Variants in FXYD4 observed in about 807,000 individuals in gnomAD.
FXYD4 encodes FXYD domain-containing ion transport regulator 4.
In FXYD4, 14 loss-of-function variants were observed where a neutral mutation model predicts 18.3. That is an observed-to-expected ratio of 0.77 (90% confidence interval 0.51 to 1.20). The LOEUF is 1.20. Ranked by LOEUF, FXYD4 falls within the 50% of genes most tolerant of loss-of-function variation. The pLI, the probability that FXYD4 is intolerant of heterozygous loss-of-function variation, is 0.00. For synonymous variants in FXYD4, 40 were observed against 40.5 expected (o/e 0.99, Z 0.04); for missense variants, 99 against 106.1 (o/e 0.93, Z 0.29).
At position 43,376,068 on chromosome 10, in the gene FXYD4, A is replaced by T. The variant is rs550150229; in HGVS notation, c.249A>T (p.Pro83=). Reference sequence around the variant, plus strand: ...AGAAGGCCATCCCACTCATCACTCCAGGTGAGACGGGCTTCTGTGGGCTGA... The same window carrying T: ...AGAAGGCCATCCCACTCATCACTCCTGGTGAGACGGGCTTCTGTGGGCTGA... ...VPEKAIPLIT[P]GSATTC is the part of the protein sequence containing the mutation. Residue 83 remains proline, a splice_region_variant and synonymous_variant, in exon 8 of 9, where the codon CCA becomes CCT. Transcript: ENST00000476166. 3.1e-6 allele frequency: 5 copies of T among 1,613,928 alleles called. No individual in the cohort carries two copies. Among genetic ancestry groups the T allele is most frequent in the Non-Finnish European group, 2.5e-6 (3 of 1,179,978 alleles).
intron 3 of FXYD4, 137 bp from the exon 4 acceptor site, chr10:43,374,333 G>C: frequency 1.2e-6 from 1 of 814,582 alleles, no homozygotes. Flanking sequence ...GGCTGTGTGG[G>C]GCTGGGGAGG....
Position 43,373,508 on chromosome 10 carries a change from C to A in FXYD4, c.-232-7C>A. On this transcript the variant is annotated splice_region_variant and splice_polypyrimidine_tract_variant and intron_variant, in intron 2 of 8. Transcript: ENST00000476166. ...TTGTGCTTACTCAATCCACACAACT[C>A]CCCCAGGCCACCACCATCTCTAGAT... The A allele has an allele frequency of 1.7e-6, 1 of 577,404 alleles. No individual in the cohort carries two copies. Among genetic ancestry groups the A allele is most frequent in the Non-Finnish European group, 3.1e-6 (1 of 321,874 alleles). 35.8% of individuals were successfully genotyped at this position (577,404 alleles called of 1,614,324 possible).
intron 2 of FXYD4, among the ~76,000 whole-genome samples, chr10:43,373,067 CAGGG>C (rs1837827496): frequency 6.6e-6 from 1 of 152,066 alleles, no homozygotes; most frequent in Non-Finnish European, 1.5e-5. Context: ...GGTCCCCTGC[CAGGG>C]CTGGCAGGGG....
intron 7 of FXYD4, 102 bp downstream of exon 7, chr10:43,375,836 C>T: frequency 7.5e-7 from 1 of 1,339,992 alleles, no homozygotes; most frequent in Non-Finnish European, 1.1e-6. Flanking sequence ...GCTGGGCTTG[C>T]AGCTGGCTTT....
At position 43,376,130 on chromosome 10, in the gene FXYD4, C is replaced by A. The variant is rs756306414; in HGVS notation, c.251-17C>A. The stretch of plus-strand genomic sequence containing the variant: ...TGTAAGGACTGTGTCTGATGGCCTG[C>A]CCGCCACTCTCCGCAGGCTCTGCCA... On this transcript the variant is annotated splice_polypyrimidine_tract_variant and intron_variant, in intron 8 of 8. Coordinates refer to ENST00000476166, the MANE Select transcript of FXYD4 (RefSeq NM_173160.3). 1.9e-6 allele frequency: 3 copies of A among 1,613,930 alleles called. No homozygotes were observed. The highest frequency in any genetic ancestry group is 2.5e-6 in the Non-Finnish European group (3 of 1,179,962).
chr10:43,373,855 A>T (rs1160824534), intron 3 of FXYD4, 72 bp downstream of exon 3: 17 of 999,864 alleles, frequency 1.7e-5, no homozygotes, highest in Non-Finnish European at 2.3e-5. Context: ...GCCAGACAAC[A>T]TCTCCTTTGG....
At chr10:43,375,814 TC>T (rs1421922742) in intron 7 of FXYD4, 80 bp downstream of exon 7, 4 of 1,439,292 alleles carry the variant, frequency 2.8e-6, no homozygotes, top group Non-Finnish European at 3.9e-6. Context: ...GTGGACAGCA[TC>T]CTGGCCACTC....
intron 2 of FXYD4, 85 bp from the exon 3 acceptor site, chr10:43,373,430 A>G: frequency 2.6e-6 from 1 of 389,580 alleles, no homozygotes; most frequent in Non-Finnish European, 4.7e-6. Flanking sequence ...ATGGATTTTA[A>G]CAACGCCTTC....
chr10:43,374,942 C>T (rs1837850678), intron 5 of FXYD4, among the ~76,000 whole-genome samples: 1 of 151,994 alleles, frequency 6.6e-6, no homozygotes, highest in Non-Finnish European at 1.5e-5. Context: ...TCCTCCTCTC[C>T]TCCTCTCCCC....
At chr10:43,375,195 T>G (rs1837855139) in intron 5 of FXYD4, among the ~76,000 whole-genome samples, 1 of 151,664 alleles carries the variant, frequency 6.6e-6, no homozygotes. Flanking sequence ...CCTAGCTAAT[T>G]TTTGTATTTT....
Position 43,373,664 on chromosome 10 carries a change from C to CTGTGA in FXYD4, c.-82_-78dup. 1.2e-6 allele frequency: 1 copy of CTGTGA among 833,486 alleles called. No homozygotes were observed. Among genetic ancestry groups the CTGTGA allele is most frequent in the South Asian group, 1.3e-5 (1 of 75,714 alleles). The allele number at this position is 833,486 out of a possible 1,614,324, so 51.6% of individuals were successfully genotyped here. ...TGCCTCCTCTCGCTGACCAATTGAG[C>CTGTGA]TGTGAGCCTGGAGCAGATCCGTGGG... On this transcript the variant is annotated 5_prime_UTR_variant, in exon 3 of 9. In the 5' UTR this introduces an upstream ATG that the reference lacks. Transcript: ENST00000476166.
chr10:43,372,663 T>G (rs1036573673), intron 1 of FXYD4, 64 bp from the exon 2 acceptor site: 4 of 152,228 alleles, frequency 2.6e-5, no homozygotes, highest in African/African-American at 9.7e-5. Context: ...AAATAGTAGT[T>G]CACGTAATTC....
chr10:43,372,430 G>T (rs528685012), intron 1 of FXYD4, among the ~76,000 whole-genome samples: 2 of 152,066 alleles, frequency 1.3e-5, no homozygotes, highest in Non-Finnish European at 2.9e-5. Flanking sequence ...GAATACAGGC[G>T]CCTGTCACCA....
intron 7 of FXYD4, 69 bp downstream of exon 7, chr10:43,375,803 A>G: frequency 4.7e-6 from 7 of 1,503,496 alleles, no homozygotes; most frequent in Non-Finnish European, 6.5e-6. Context: ...TGACCTGGAG[A>G]GTGGACAGCA....
At chr10:43,375,404 G>C in intron 5 of FXYD4, 95 bp from the exon 6 acceptor site, 5 of 884,654 alleles carry the variant, frequency 5.7e-6, no homozygotes, top group Non-Finnish European at 9.5e-6. Context: ...TATGTATATG[G>C]CAGCGGCTGG....
Position 43,374,595 on chromosome 10 carries a change from T to C in FXYD4, c.71-18T>C, listed in dbSNP as rs1837845638. Reference sequence around the variant, plus strand: ...TCCTGGTTCTGGTTCTGAAGTCTTTTTGCCCCACTTTTTCTAGCCAATAAA... The same window carrying C: ...TCCTGGTTCTGGTTCTGAAGTCTTTCTGCCCCACTTTTTCTAGCCAATAAA... On this transcript the variant is annotated intron_variant, in intron 4 of 8. Coordinates refer to ENST00000476166, the MANE Select transcript of FXYD4 (RefSeq NM_173160.3). 1 of 1,613,738 alleles carries C rather than the reference T, an allele frequency of 6.2e-7. No individual in the cohort carries two copies. Among genetic ancestry groups the C allele is most frequent in the Non-Finnish European group, 8.5e-7 (1 of 1,179,658 alleles).
chr10:43,373,746 C>A lies in FXYD4; in HGVS notation c.-1C>A. 6.2e-7 allele frequency: 1 copy of A among 1,605,806 alleles called. No individual in the cohort carries two copies. Among genetic ancestry groups the A allele is most frequent in the Non-Finnish European group, 8.5e-7 (1 of 1,172,516 alleles). On this transcript the variant is annotated 5_prime_UTR_variant, in exon 3 of 9. Transcript: ENST00000476166. ...TGCAGCCCTGCCCCTCGAACTGTGA[C>A]ATGGAGAGAGTGACCCTGGCCCTTC...
Position 43,376,282 on chromosome 10 carries a change from C to T in FXYD4, c.*116C>T. 1 of 1,105,388 alleles carries T rather than the reference C, an allele frequency of 9.0e-7. No homozygotes were observed. The allele number at this position is 1,105,388 out of a possible 1,614,324, so 68.5% of individuals were successfully genotyped here. A position where few individuals can be genotyped will look rare whatever the true frequency, so the allele number is the denominator to read the frequency against. On this transcript the variant is annotated 3_prime_UTR_variant, in exon 9 of 9. Transcript: ENST00000476166. ...TCTCTCCAAGGGCAGGCTGTTAGGC[C>T]CCTTTCTGATCAGGAGGCTTCTTTA...
intron 4 of FXYD4, 40 bp downstream of exon 4, chr10:43,374,542 A>C: frequency 6.2e-7 from 1 of 1,612,892 alleles, no homozygotes; most frequent in African/African-American, 1.3e-5. Flanking sequence ...CTCTGCCCAC[A>C]TCTCCCCTCT....
Sources: allele counts gnomAD v4.1 joint callset (sites outside exome capture counted in the v4.1 genomes callset), GRCh38; gene constraint gnomAD v4.1.1; transcripts MANE v1.5; gene names NCBI Gene and HGNC (gene_info 2026-07-23, HGNC 2026-07-21).